The following XKR9 variants were observed in gnomAD, a reference collection of about 807,000 sequenced individuals.
XKR9 encodes the protein XK-related protein 9.
A neutral mutation model predicts 32.0 loss-of-function variants in XKR9; 32 were observed. The ratio of observed to expected loss-of-function variants is 1.00; its 90% CI spans 0.76 to 1.34. The LOEUF is 1.34. XKR9 is among the 40% of genes most tolerant of loss of function. XKR9 has a pLI of 0.00. For missense variants in XKR9, 546 were observed against 429.7 expected (o/e 1.27, Z -2.39); for synonymous variants, 168 against 143.4 (o/e 1.17, Z -1.22).
the XKR9 span, among the ~76,000 whole-genome samples, chr8:70,843,257 T>C: frequency 3.3e-5 from 5 of 152,212 alleles, no homozygotes; most frequent in Non-Finnish European, 5.9e-5. Flanking sequence ...AAAGTAATTA[T>C]AGCATGAGTA....
intron 4 of XKR9, among the ~76,000 whole-genome samples, chr8:70,725,977 A>G (rs1017784320): frequency 6.6e-5 from 10 of 152,204 alleles, no homozygotes; most frequent in African/African-American, 2.4e-4. Context: ...AAAAAACTAC[A>G]AATGGATTTT....
chr8:70,987,080 C>G, the XKR9 span, among the ~76,000 whole-genome samples: 248 of 152,280 alleles, frequency 1.6e-3, 1 homozygote, highest in African/African-American at 5.8e-3. Context: ...ATTCAGTTAT[C>G]TCCCACTGGG....
At chr8:70,696,568 C>G (rs529841107) in intron 3 of XKR9, among the ~76,000 whole-genome samples, 3,247 of 149,220 alleles carry the variant, frequency 0.022, 131 homozygotes, top group African/African-American at 0.076. Context: ...CAGTACCATG[C>G]TGTTTTGGTT....
At chr8:70,716,423 A>C (rs1806090429) in intron 4 of XKR9, among the ~76,000 whole-genome samples, 1 of 135,080 alleles carries the variant, frequency 7.4e-6, no homozygotes, top group African/African-American at 2.5e-5. Context: ...CACATTCTGC[A>C]GGGCTGCGGT....
At chr8:70,820,226 C>T in the XKR9 span, among the ~76,000 whole-genome samples, 2 of 152,152 alleles carry the variant, frequency 1.3e-5, no homozygotes, top group Non-Finnish European at 1.5e-5. Flanking sequence ...AACCTATAGG[C>T]CTTGCTAAGT....
At chr8:71,058,941 A>G in the XKR9 span, among the ~76,000 whole-genome samples, 1 of 152,218 alleles carries the variant, frequency 6.6e-6, no homozygotes, top group African/African-American at 2.4e-5. Flanking sequence ...TCATGTGGTT[A>G]TAAACACTCT....
chr8:70,738,681 G>A (rs925490384), downstream of XKR9, among the ~76,000 whole-genome samples: 40 of 151,770 alleles, frequency 2.6e-4, no homozygotes, highest in African/African-American at 3.4e-4. Context: ...CTTTGTTCTC[G>A]TTGGTTTCAA....
chr8:70,813,695 C>G, the XKR9 span, among the ~76,000 whole-genome samples: 1 of 152,160 alleles, frequency 6.6e-6, no homozygotes, highest in East Asian at 1.9e-4. Context: ...TGAAAAAATT[C>G]TCTTCATCAC....
chr8:70,813,733 C>T, the XKR9 span, among the ~76,000 whole-genome samples: 1 of 152,150 alleles, frequency 6.6e-6, no homozygotes, highest in African/African-American at 2.4e-5. Flanking sequence ...CAAATCAAAA[C>T]CGCAATGAGA....
intron 4 of XKR9, among the ~76,000 whole-genome samples, chr8:70,717,909 C>G (rs1806145312): frequency 6.6e-6 from 1 of 152,176 alleles, no homozygotes. Flanking sequence ...CCTAAATCAT[C>G]TCTCTCAAGT....
chr8:70,740,033 A>C (rs1806942438), downstream of XKR9, among the ~76,000 whole-genome samples: 1 of 152,110 alleles, frequency 6.6e-6, no homozygotes, highest in Admixed American at 6.5e-5. Context: ...AGACTGGGGA[A>C]GTTCTCCTGG....
chr8:70,675,211 G>A (rs1818843275), intron 2 of XKR9, among the ~76,000 whole-genome samples: 1 of 152,136 alleles, frequency 6.6e-6, no homozygotes, highest in Non-Finnish European at 1.5e-5. Context: ...TGGGTCACTT[G>A]AGGTCAGGAT....
the XKR9 span, among the ~76,000 whole-genome samples, chr8:70,980,005 T>A: frequency 6.6e-6 from 1 of 152,222 alleles, no homozygotes; most frequent in Non-Finnish European, 1.5e-5. Flanking sequence ...TGCCTCGCAG[T>A]TCGATCTGAG....
chr8:70,740,763 G>A (rs180705532), downstream of XKR9, among the ~76,000 whole-genome samples: 455 of 152,318 alleles, frequency 3.0e-3, 1 homozygote, highest in African/African-American at 0.01. Flanking sequence ...TTCTAGCAGC[G>A]GTGGCTGCAG....
the XKR9 span, among the ~76,000 whole-genome samples, chr8:70,890,387 G>C: frequency 6.6e-6 from 1 of 151,968 alleles, no homozygotes. Context: ...TCTTGTTCTA[G>C]ATCTTACAAG....
At chr8:71,052,055 T>G in the XKR9 span, among the ~76,000 whole-genome samples, 1 of 152,200 alleles carries the variant, frequency 6.6e-6, no homozygotes, top group Non-Finnish European at 1.5e-5. Flanking sequence ...TGACACCATA[T>G]GTCTGGGTTG....
At chr8:70,711,518 G>T (rs1290996441) in intron 4 of XKR9, among the ~76,000 whole-genome samples, 3 of 152,130 alleles carry the variant, frequency 2.0e-5, no homozygotes, top group Non-Finnish European at 2.9e-5. Flanking sequence ...GTGAATTAAT[G>T]CAGGAACAGA....
At chr8:70,810,028 G>A in the XKR9 span, among the ~76,000 whole-genome samples, 18 of 152,242 alleles carry the variant, frequency 1.2e-4, no homozygotes, top group African/African-American at 3.9e-4. Context: ...AAATGTTAAG[G>A]GCAGCCAGAG....
chr8:70,782,820 A>C (rs560816433), intron 2 of XKR9, among the ~76,000 whole-genome samples: 57 of 152,232 alleles, frequency 3.7e-4, no homozygotes, highest in African/African-American at 1.3e-3. Context: ...TTATTTGTTC[A>C]TCTGTTGATG....
Sources: gnomAD v4.1 joint callset for allele counts (sites outside exome capture counted in the v4.1 genomes callset) on GRCh38, gnomAD v4.1.1 for gene constraint, MANE v1.5 for transcripts, NCBI Gene and HGNC (gene_info 2026-07-23, HGNC 2026-07-21) for gene names.